RPS6KA5: variants seen among roughly 807,000 people sequenced by gnomAD.
RPS6KA5 encodes ribosomal protein S6 kinase alpha-5.
In RPS6KA5, 27 loss-of-function variants were observed where a neutral mutation model predicts 85.5. The observed-to-expected ratio is 0.32, with a 90% CI of 0.23 to 0.44. The LOEUF is 0.44. Among genes scored for constraint, RPS6KA5 ranks in the 20% least tolerant of loss-of-function variants. The probability of loss-of-function intolerance (pLI) is 1.00; values close to 1 mark genes in which losing one functional copy is unlikely to be tolerated. For synonymous variants in RPS6KA5, 334 were observed against 348.2 expected, an observed-to-expected ratio of 0.96 and a Z score of 0.46; for missense variants, 811 against 980.9, an observed-to-expected ratio of 0.83 and a Z score of 2.31.
At chr14:90,958,295 A>T (rs938565144) in intron 3 of RPS6KA5, among the ~76,000 whole-genome samples, 9 of 152,198 alleles carry the variant, frequency 5.9e-5, no homozygotes, top group Non-Finnish European at 1.2e-4. Flanking sequence ...CCATAGTTCA[A>T]CTTAGGAGAA....
rs912388140 is a variant in RPS6KA5 at position 90,862,043 on chromosome 14, C to T, written c.*10031G>A. On this transcript the variant is annotated 3_prime_UTR_variant, in exon 17 of 17. Coordinates refer to ENST00000614987, the MANE Select transcript of RPS6KA5 (RefSeq NM_004755.4). ...TAAATGAATTTCTAAAAATTACTAA[C>T]GAACTAACATAGGAGGAAACAATGG... 4 of 152,034 alleles carry T rather than the reference C, an allele frequency of 2.6e-5. No homozygotes were observed. The highest frequency in any genetic ancestry group is 2.4e-5 in the African/African-American group (1 of 41,462). 9.4% of individuals were successfully genotyped at this position (152,034 alleles called of 1,614,324 possible). A position where few individuals can be genotyped will look rare whatever the true frequency, so the allele number is the denominator to read the frequency against.
Position 90,865,845 on chromosome 14 carries a change from C to T in RPS6KA5, c.*6229G>A, listed in dbSNP as rs553308552. On this transcript the variant is annotated 3_prime_UTR_variant, in exon 17 of 17. Transcript: ENST00000614987. Reference sequence around the variant, plus strand: ...AGCCTTTTAAAGAGATTTGTCCATACGGGCACTGAAATAACATTTTTGTAA... The same window carrying T: ...AGCCTTTTAAAGAGATTTGTCCATATGGGCACTGAAATAACATTTTTGTAA... The T allele has an allele frequency of 3.9e-5, 6 of 152,194 alleles. No individual in the cohort carries two copies. The highest frequency in any genetic ancestry group is 1.9e-4 in the East Asian group (1 of 5,182). 9.4% of individuals were successfully genotyped at this position (152,194 alleles called of 1,614,324 possible).
chr14:90,953,391 G>A (rs561736946), intron 3 of RPS6KA5, among the ~76,000 whole-genome samples: 2 of 152,170 alleles, frequency 1.3e-5, no homozygotes, highest in African/African-American at 4.8e-5. Context: ...ATCACCTCAG[G>A]ACCACTATGA....
At chr14:91,057,478 A>G (rs964174262) in intron 1 of RPS6KA5, among the ~76,000 whole-genome samples, 1 of 144,856 alleles carries the variant, frequency 6.9e-6, no homozygotes, top group Non-Finnish European at 1.6e-5. Context: ...AGGACCTTAC[A>G]GTCTAATCTG....
At position 90,867,107 on chromosome 14, in the gene RPS6KA5, C is replaced by A. The variant is rs914252372; in HGVS notation, c.*4967G>T. 7.9e-5 allele frequency: 12 copies of A among 152,096 alleles called. No individual in the cohort carries two copies. The highest frequency in any genetic ancestry group is 2.4e-4 in the African/African-American group (10 of 41,420). The allele number at this position is 152,096 out of a possible 1,614,324, so 9.4% of individuals were successfully genotyped here. On this transcript the variant is annotated 3_prime_UTR_variant, in exon 17 of 17. Coordinates refer to ENST00000614987, the MANE Select transcript of RPS6KA5 (RefSeq NM_004755.4). The stretch of plus-strand genomic sequence containing the variant: ...AGTTTTAAAATGTCAAGTTCCTCAA[C>A]CTTACTGGATTTTAAAACAAAGCAA...
At chr14:90,989,517 A>G (rs905106089) in intron 2 of RPS6KA5, among the ~76,000 whole-genome samples, 3 of 152,214 alleles carry the variant, frequency 2.0e-5, no homozygotes, top group African/African-American at 4.8e-5. Flanking sequence ...AGAGAATACT[A>G]AAGTCTTTAG....
chr14:90,973,880 A>G (rs1387698252), intron 3 of RPS6KA5, among the ~76,000 whole-genome samples: 7 of 151,908 alleles, frequency 4.6e-5, no homozygotes. Flanking sequence ...TCTACTAAAA[A>G]TACAAAAATT....
chr14:90,854,190 T>C lies in RPS6KA5; in HGVS notation c.*17884A>G, dbSNP rs556598558. 5 of 125,602 alleles carry C rather than the reference T, an allele frequency of 4.0e-5. No homozygotes were observed. The highest frequency in any genetic ancestry group is 2.0e-4 in the East Asian group (1 of 5,018). The allele number at this position is 125,602 out of a possible 1,614,324, so 7.8% of individuals were successfully genotyped here. On this transcript the variant is annotated 3_prime_UTR_variant, in exon 17 of 17. Transcript: ENST00000614987. ...AGTAATTATAGTGCAAGGAGCCTGA[T>C]GTATGAAGATTTGACATTGTAATTT...
chr14:90,951,826 C>A (rs1404484498), intron 3 of RPS6KA5, among the ~76,000 whole-genome samples: 1 of 152,182 alleles, frequency 6.6e-6, no homozygotes, highest in Non-Finnish European at 1.5e-5. Flanking sequence ...GAGCCCAGAA[C>A]ACCCAGACCT....
At position 90,851,206 on chromosome 14, in the gene RPS6KA5, T is replaced by G. The variant is rs1462379269; in HGVS notation, c.*20868A>C. ...GCGCTCATCACCATGCCTGGCTAAT[T>G]TTTTTGTACTTTTAGTAGAGACGGG... On this transcript the variant is annotated 3_prime_UTR_variant, in exon 17 of 17. Transcript: ENST00000614987. 1 of 152,084 alleles carries G rather than the reference T, an allele frequency of 6.6e-6. No homozygotes were observed. The allele number at this position is 152,084 out of a possible 1,614,324, so 9.4% of individuals were successfully genotyped here. A position where few individuals can be genotyped will look rare whatever the true frequency, so the allele number is the denominator to read the frequency against.
At chr14:91,009,922 T>C (rs1013155601) in intron 1 of RPS6KA5, among the ~76,000 whole-genome samples, 1 of 152,016 alleles carries the variant, frequency 6.6e-6, no homozygotes, top group African/African-American at 2.4e-5. Flanking sequence ...CAACTAACCA[T>C]GTATGAAATT....
intron 1 of RPS6KA5, among the ~76,000 whole-genome samples, chr14:91,005,895 G>A (rs186611484): frequency 2.6e-5 from 4 of 152,170 alleles, no homozygotes; most frequent in Admixed American, 2.0e-4. Context: ...TCATTCACAT[G>A]CTTTAGTAAA....
At chr14:90,963,289 T>C (rs1437045113) in intron 3 of RPS6KA5, among the ~76,000 whole-genome samples, 1 of 152,250 alleles carries the variant, frequency 6.6e-6, no homozygotes, top group East Asian at 1.9e-4. Flanking sequence ...GCACGGATGT[T>C]AGTTTACCCA....
In RPS6KA5 at chr14:90,902,347, T is replaced by C. The variant is rs371335221; in HGVS notation, c.1119+461A>G. 2.4e-4 allele frequency among the ~76,000 whole-genome samples: 37 copies of C among 152,200 alleles called. 1 individual carries two copies. In the East Asian group the frequency reaches 7.0e-3, roughly 29 times the overall value. Reference sequence around the variant, plus strand: ...AAAAAATAGAAAAATTAGCTGGGTGTGCTGGTTTGCACCTGTGGTCTCAGC... The same window carrying C: ...AAAAAATAGAAAAATTAGCTGGGTGCGCTGGTTTGCACCTGTGGTCTCAGC... On this transcript the variant is annotated intron_variant, in intron 9 of 16. Coordinates refer to ENST00000614987, the MANE Select transcript of RPS6KA5 (RefSeq NM_004755.4).
At chr14:90,887,945 C>CA (rs34947711) in intron 14 of RPS6KA5, among the ~76,000 whole-genome samples, 2,663 of 42,758 alleles carry the variant, frequency 0.062, 337 homozygotes, top group Middle Eastern at 0.079. Flanking sequence ...GAGGCTATCG[C>CA]AAAAAAAAAA....
intron 7 of RPS6KA5, among the ~76,000 whole-genome samples, chr14:90,909,639 A>T (rs1269249036): frequency 1.3e-5 from 2 of 152,242 alleles, no homozygotes; most frequent in Admixed American, 1.3e-4. Flanking sequence ...ATTCTAAGAA[A>T]GCAAATTGGG....
intron 2 of RPS6KA5, among the ~76,000 whole-genome samples, chr14:90,978,996 C>T (rs2039683842): frequency 1.3e-5 from 2 of 151,888 alleles, no homozygotes; most frequent in South Asian, 2.1e-4. Context: ...TAAAAAAAAG[C>T]CTAAAGCAAC....
At chr14:90,971,294 G>A (rs1441088439) in intron 3 of RPS6KA5, among the ~76,000 whole-genome samples, 1 of 152,086 alleles carries the variant, frequency 6.6e-6, no homozygotes, top group African/African-American at 2.4e-5. Context: ...TCCAGCCTAG[G>A]CGACAGTGAA....
rs1217204315 is a variant in RPS6KA5, at chr14:90,853,102, ATG to A, written c.*18970_*18971del. 1.3e-5 allele frequency: 2 copies of A among 152,068 alleles called. No individual in the cohort carries two copies. Among genetic ancestry groups the A allele is most frequent in the African/African-American group, 2.4e-5 (1 of 41,338 alleles). 9.4% of individuals were successfully genotyped at this position (152,068 alleles called of 1,614,324 possible). Reference sequence around the variant, plus strand: ...CCCCGGATGTTAGCAAAAAGAGTGAATGTGTTTGCCGTTCTATAAATAAAATG... The same window carrying A: ...CCCCGGATGTTAGCAAAAAGAGTGAATGTTTGCCGTTCTATAAATAAAATG... On this transcript the variant is annotated 3_prime_UTR_variant, in exon 17 of 17. Transcript: ENST00000614987.
Sources: gnomAD v4.1 joint callset for allele counts (sites outside exome capture counted in the v4.1 genomes callset) on GRCh38, gnomAD v4.1.1 for gene constraint, MANE v1.5 for transcripts, NCBI Gene and HGNC (gene_info 2026-07-23, HGNC 2026-07-21) for gene names.